SLC40A1: variants seen among roughly 807,000 people sequenced by gnomAD.
The protein encoded by SLC40A1 is solute carrier family 40 member 1.
Under a neutral mutation model 53.5 loss-of-function variants are expected in SLC40A1, and 16 were observed. That is an observed-to-expected ratio of 0.30 (90% CI 0.20 to 0.45). The LOEUF is 0.45. Among genes scored for constraint, SLC40A1 ranks in the 20% least tolerant of loss-of-function variants. The pLI, the probability that SLC40A1 is intolerant of heterozygous loss-of-function variation, is 1.00. For synonymous variants in SLC40A1, 247 were observed against 253.2 expected (o/e 0.98, Z 0.23); for missense variants, 545 against 695.4 (o/e 0.78, Z 2.43).
In SLC40A1 at chr2:189,565,508, G is replaced by T; in HGVS notation, c.606C>A (p.Val202=). 6.2e-7 allele frequency: 1 copy of T among 1,614,252 alleles called. No individual in the cohort carries two copies. The highest frequency in any genetic ancestry group is 8.5e-7 in the Non-Finnish European group (1 of 1,180,046). Reference sequence around the variant, plus strand: ...ATCCCGAAATAAAGCCACAGCCGATGACTGGGGAGCCAAATGTCATAATCT... The same window carrying T: ...ATCCCGAAATAAAGCCACAGCCGATTACTGGGGAGCCAAATGTCATAATCT... The part of the protein sequence containing the change: ...VGQIMTFGSP[V]IGCGFISGWN... The change falls in exon 6 of 8, where the codon GTC becomes GTA. Residue 202 remains valine (V), a synonymous_variant. Transcript: ENST00000261024.
At chr2:189,566,640 A>C (rs2030947818) in intron 5 of SLC40A1, among the ~76,000 whole-genome samples, 1 of 152,202 alleles carries the variant, frequency 6.6e-6, no homozygotes, top group Admixed American at 6.5e-5. Context: ...ACAATTCATC[A>C]ATAGTAACAA....
chr2:189,569,489 T>C (rs2031054671), intron 5 of SLC40A1, among the ~76,000 whole-genome samples: 1 of 152,250 alleles, frequency 6.6e-6, no homozygotes, highest in Non-Finnish European at 1.5e-5. Context: ...CCCTTCTAGA[T>C]GTACTTTCCC....
chr2:189,575,268 C>T lies in SLC40A1; in HGVS notation c.164G>A (p.Gly55Glu). The T allele has an allele frequency of 6.2e-7, 1 of 1,614,100 alleles. No homozygotes were observed. Among genetic ancestry groups the T allele is most frequent in the Non-Finnish European group, 8.5e-7 (1 of 1,179,986 alleles). ...GACTGCTGTCAAAAGGAGGCTGTTT[C>T]CATAGAGCTCTACCAGAAACACAGA... Reference protein sequence around the residue: ...AVSVFLVELYGNSLLLTAVYG... With the variant: ...AVSVFLVELYENSLLLTAVYG... The change falls in exon 3 of 8, where the codon GGA becomes GAA. Residue 55 changes from glycine to glutamate, a missense_variant. Coordinates refer to ENST00000261024, the MANE Select transcript of SLC40A1 (RefSeq NM_014585.6).
At chr2:189,568,412 C>G (rs567372921) in intron 5 of SLC40A1, among the ~76,000 whole-genome samples, 1 of 152,078 alleles carries the variant, frequency 6.6e-6, no homozygotes, top group Admixed American at 6.5e-5. Flanking sequence ...TGGCGTGAAC[C>G]CAGGAGGCGG....
Position 189,565,368 on chromosome 2 carries a change from A to C in SLC40A1, c.746T>G (p.Leu249Arg). ...GTTCAGTTTACCTTTGTGTAAATTC[A>C]GCTGTTTCAATTCAGTTTCCTCTTC... Reference protein sequence around the residue: ...LKEEETELKQLNLHKDTEPKP... With the variant: ...LKEEETELKQRNLHKDTEPKP... Residue 249 changes from leucine (L) to arginine (R), a missense_variant, in exon 6 of 8, where the codon CTG becomes CGG. Transcript: ENST00000261024. 1 of 1,614,238 alleles carries C rather than the reference A, an allele frequency of 6.2e-7. No individual in the cohort carries two copies. Among genetic ancestry groups the C allele is most frequent in the Non-Finnish European group, 8.5e-7 (1 of 1,180,022 alleles).
intron 7 of SLC40A1, among the ~76,000 whole-genome samples, chr2:189,562,695 AAC>A (rs1223924128): frequency 2.0e-4 from 31 of 152,282 alleles, no homozygotes; most frequent in African/African-American, 6.7e-4. Context: ...ACAAGATAAA[AAC>A]AGTTTCATTT....
intron 2 of SLC40A1, among the ~76,000 whole-genome samples, chr2:189,576,531 C>A (rs1054362992): frequency 1.3e-5 from 2 of 152,146 alleles, no homozygotes; most frequent in Admixed American, 1.3e-4. Flanking sequence ...CTACCCCCAC[C>A]CCACCTCCCC....
chr2:189,568,563 C>A (rs16831659), intron 5 of SLC40A1, among the ~76,000 whole-genome samples: 1 of 152,048 alleles, frequency 6.6e-6, no homozygotes, highest in Non-Finnish European at 1.5e-5. Context: ...TGCAAATATA[C>A]GCTCTTTACC....
chr2:189,562,177 C>A lies in SLC40A1; in HGVS notation c.1417G>T (p.Asp473Tyr). ...TGCAGCAACTGTGTCACAGTTAAAT[C>A]AAAGGACCAAAGACCTATAATAAAA... is the stretch of plus-strand genomic sequence containing the variant. ...IAARIGLWSF[D>Y]LTVTQLLQEN... The change falls in exon 8 of 8, where the codon GAT (aspartate) becomes TAT (tyrosine). Residue 473 changes from aspartate to tyrosine, a missense_variant. Physicochemically the swap from Asp to Tyr is radical, Grantham distance 160. This residue lies in a region of SLC40A1 where 234 missense variants were observed against 299.0 expected (regional missense o/e 0.78). Coordinates refer to ENST00000261024, the MANE Select transcript of SLC40A1 (RefSeq NM_014585.6). The A allele has an allele frequency of 6.2e-7, 1 of 1,609,858 alleles. No individual in the cohort carries two copies. Among genetic ancestry groups the A allele is most frequent in the South Asian group, 1.1e-5 (1 of 90,678 alleles).
chr2:189,579,162 C>A (rs534397030), intron 2 of SLC40A1, among the ~76,000 whole-genome samples: 1 of 152,120 alleles, frequency 6.6e-6, no homozygotes, highest in Non-Finnish European at 1.5e-5. Context: ...TTTTCCAGGA[C>A]AACCTAGAAA....
intron 1 of SLC40A1, 61 bp downstream of exon 1, chr2:189,580,357 T>C (rs200683092): frequency 2.7e-5 from 41 of 1,532,044 alleles, no homozygotes; most frequent in Middle Eastern, 2.2e-4. Flanking sequence ...TCGTGTAGAG[T>C]TGCTTGTCTC....
Position 189,575,306 on chromosome 2 carries a change from C to T in SLC40A1, c.126G>A (p.Trp42Ter). The part of the protein sequence containing the change: ...HSLSTWGDRM[W>*]HFAVSVFLVE... Reference sequence around the variant, plus strand: ...CCAGAAACACAGACACCGCAAAGTGCCACATCCGATCTCCCTTAAATGAAA... The same window carrying T: ...CCAGAAACACAGACACCGCAAAGTGTCACATCCGATCTCCCTTAAATGAAA... Residue 42 changes from tryptophan to a stop codon, truncating the protein, a stop_gained, in exon 3 of 8, where the codon TGG becomes TGA. Transcript: ENST00000261024. LOFTEE classifies it high-confidence loss of function. 6.2e-7 allele frequency: 1 copy of T among 1,614,024 alleles called. No homozygotes were observed. The highest frequency in any genetic ancestry group is 8.5e-7 in the Non-Finnish European group (1 of 1,179,942).
At chr2:189,563,380 G>A (rs1461534848) in intron 7 of SLC40A1, among the ~76,000 whole-genome samples, 1 of 149,776 alleles carries the variant, frequency 6.7e-6, no homozygotes, top group African/African-American at 2.5e-5. Context: ...ATATAATAAA[G>A]TAAACAAATA....
At chr2:189,569,073 C>A (rs2031041177) in intron 5 of SLC40A1, among the ~76,000 whole-genome samples, 1 of 152,262 alleles carries the variant, frequency 6.6e-6, no homozygotes, top group African/African-American at 2.4e-5. Flanking sequence ...AACACCTTTT[C>A]TGGAACTTTC....
intron 7 of SLC40A1, 106 bp from the exon 8 acceptor site, chr2:189,562,297 A>C: frequency 1.2e-6 from 1 of 862,294 alleles, no homozygotes; most frequent in South Asian, 1.6e-5. Context: ...TTTTAGCCTG[A>C]CTGTCTTTAA....
chr2:189,576,826 CT>C (rs952414474), intron 2 of SLC40A1, among the ~76,000 whole-genome samples: 1 of 152,108 alleles, frequency 6.6e-6, no homozygotes, highest in Admixed American at 6.5e-5. Context: ...TTGTTTCTTT[CT>C]TTTTTTCTTA....
At chr2:189,573,623 C>A (rs995180182) in intron 3 of SLC40A1, among the ~76,000 whole-genome samples, 11 of 152,162 alleles carry the variant, frequency 7.2e-5, no homozygotes, top group Non-Finnish European at 1.2e-4. Flanking sequence ...GGCAGATGAT[C>A]TAGGGCAGGA....
In SLC40A1 at chr2:189,569,972, ATG is replaced by A. The variant is rs1218924953; in HGVS notation, c.514+1741_514+1742del. ...TTATATGATGTGTGTATATATATGT[ATG>A]TATATATATACACACCTATATATGT... On this transcript the variant is annotated intron_variant, in intron 5 of 7. Transcript: ENST00000261024. 6.7e-5 allele frequency among the ~76,000 whole-genome samples: 10 copies of A among 148,330 alleles called. No homozygotes were observed. In the South Asian group the frequency reaches 8.5e-4, roughly 13 times the overall value.
At position 189,563,972 on chromosome 2, in the gene SLC40A1, A is replaced by C. The variant is rs1362460221; in HGVS notation, c.1014T>G (p.Ser338Arg). Residue 338 changes from serine to arginine, a missense_variant, in exon 7 of 8, where the codon AGT becomes AGG. Ser to Arg is a moderately radical substitution (Grantham distance 110). Transcript: ENST00000261024. ...CCATCAAAATACTGAGGATGGAACC[A>C]CTCAGTCCCTGAGTGTAGGCGTACC... ...TTGYAYTQGL[S>R]GSILSILMGA... 3 of 1,614,108 alleles carry C rather than the reference A, an allele frequency of 1.9e-6. No individual in the cohort carries two copies. The highest frequency in any genetic ancestry group is 2.5e-6 in the Non-Finnish European group (3 of 1,179,992).
Sources: allele counts gnomAD v4.1 joint callset (sites outside exome capture counted in the v4.1 genomes callset), GRCh38; gene constraint gnomAD v4.1.1; regional missense constraint gnomAD v4.1.1; transcripts MANE v1.5; gene names NCBI Gene and HGNC (gene_info 2026-07-23, HGNC 2026-07-21).